The following BAZ1B variants were observed in gnomAD, a reference collection of about 807,000 sequenced individuals.
The protein encoded by BAZ1B is tyrosine-protein kinase BAZ1B.
A neutral mutation model predicts 153.8 loss-of-function variants in BAZ1B; 22 were observed. That is an observed-to-expected ratio of 0.14 (90% CI 0.10 to 0.20). The LOEUF is 0.20. BAZ1B is among the 10% of genes least tolerant of loss of function. The pLI is 1.00. For missense variants in BAZ1B, 1,325 were observed against 1,799.3 expected (o/e 0.74, Z 4.77); for synonymous variants, 676 against 633.4 (o/e 1.07, Z -1.01).
chr7:73,459,591 T>A lies in BAZ1B; in HGVS notation c.3377A>T (p.Asp1126Val). The change falls in exon 13 of 20, where the codon GAT becomes GTT. Residue 1126 changes from aspartate to valine, a missense_variant. Physicochemically the swap from Asp to Val is radical, Grantham distance 152. Transcript: ENST00000339594. ...KQKRRKLQSE[D>V]SAKTEEVDEE... The stretch of plus-strand genomic sequence containing the variant: ...ATCCACTTCCTCAGTTTTTGCTGAA[T>A]CTTCACTTTGGAGTTTTCTTCTCTT... 6.2e-7 allele frequency: 1 copy of A among 1,614,110 alleles called. No individual in the cohort carries two copies. The highest frequency in any genetic ancestry group is 8.5e-7 in the Non-Finnish European group (1 of 1,180,034).
intron 6 of BAZ1B, among the ~76,000 whole-genome samples, chr7:73,480,114 C>T (rs187032156): frequency 9.5e-4 from 144 of 151,012 alleles, no homozygotes; most frequent in Non-Finnish European, 1.8e-3. Context: ...GCCGAGATCA[C>T]GCCACTGCAC....
chr7:73,474,232 A>G (rs1788918455), intron 7 of BAZ1B, among the ~76,000 whole-genome samples: 1 of 152,166 alleles, frequency 6.6e-6, no homozygotes, highest in Non-Finnish European at 1.5e-5. Flanking sequence ...GGAGAGCCAC[A>G]TGCAAAAAAA....
At chr7:73,473,176 G>A (rs1392945242) in intron 7 of BAZ1B, among the ~76,000 whole-genome samples, 2 of 152,130 alleles carry the variant, frequency 1.3e-5, no homozygotes, top group African/African-American at 2.4e-5. Context: ...TCCTGACCTC[G>A]TGATCTGCCT....
At chr7:73,463,490 T>TC (rs1457656077) in intron 11 of BAZ1B, among the ~76,000 whole-genome samples, 9 of 151,922 alleles carry the variant, frequency 5.9e-5, no homozygotes, top group African/African-American at 1.7e-4. Context: ...AGCGATCCTC[T>TC]CCCCTAGGCC....
At chr7:73,517,935 A>C (rs898997458) in intron 1 of BAZ1B, among the ~76,000 whole-genome samples, 2 of 152,338 alleles carry the variant, frequency 1.3e-5, no homozygotes, top group South Asian at 2.1e-4. Flanking sequence ...TCAAACAAGC[A>C]TAACTGTAAC....
At position 73,440,851 on chromosome 7, in the gene BAZ1B, A is replaced by C. The variant is rs1298254932; in HGVS notation, c.*858T>G. 2.6e-5 allele frequency: 4 copies of C among 152,614 alleles called. No individual in the cohort carries two copies. The highest frequency in any genetic ancestry group is 5.9e-5 in the Non-Finnish European group (4 of 68,034). 9.5% of individuals were successfully genotyped at this position (152,614 alleles called of 1,614,324 possible). On this transcript the variant is annotated 3_prime_UTR_variant, in exon 20 of 20. Coordinates refer to ENST00000339594, the MANE Select transcript of BAZ1B (RefSeq NM_032408.4). ...GGGTGCTCAAAATTTCCAAATTCAA[A>C]GGTGATAAAAAAGAAAAACCCTGTT...
chr7:73,501,271 C>G (rs1352671658), intron 3 of BAZ1B, among the ~76,000 whole-genome samples: 1 of 151,990 alleles, frequency 6.6e-6, no homozygotes, highest in African/African-American at 2.4e-5. Flanking sequence ...CAAAACAAAA[C>G]AAAACAAAAA....
rs185923905 is a variant in BAZ1B at position 73,505,233 on chromosome 7, A to G, written c.369+3094T>C. 1.9e-3 allele frequency among the ~76,000 whole-genome samples: 295 copies of G among 152,294 alleles called. 2 individuals are homozygous for G. Among genetic ancestry groups the G allele is most frequent in the African/African-American group, 6.6e-3 (275 of 41,574 alleles). On this transcript the variant is annotated intron_variant, in intron 3 of 19. Transcript: ENST00000339594. ...AAGATTTTTCCAGATATGCTTCTGG[A>G]AAGATTTTCTTAGCCTGCTTTGATA...
intron 1 of BAZ1B, among the ~76,000 whole-genome samples, chr7:73,517,718 T>C (rs564195938): frequency 2.0e-5 from 3 of 152,268 alleles, no homozygotes; most frequent in African/African-American, 7.2e-5. Flanking sequence ...GCAGACAAAA[T>C]GTCAAAGCAA....
chr7:73,483,732 C>A (rs1165760479), intron 6 of BAZ1B, among the ~76,000 whole-genome samples: 1 of 152,052 alleles, frequency 6.6e-6, no homozygotes, highest in African/African-American at 2.4e-5. Context: ...ACCTTGACCT[C>A]CTGGGCTCAA....
chr7:73,461,295 AAAG>A lies in BAZ1B; in HGVS notation c.3250-1580_3250-1578del, dbSNP rs570687451. Among the ~76,000 whole-genome samples the A allele has an allele frequency of 7.9e-5, 12 of 152,284 alleles. No individual in the cohort carries two copies. The East Asian group carries it at 2.3e-3, about 29-fold the overall frequency. On this transcript the variant is annotated intron_variant, in intron 12 of 19. Coordinates refer to ENST00000339594, the MANE Select transcript of BAZ1B (RefSeq NM_032408.4). ...CCGCATGAACAAGACCTATCTCTTA[AAAG>A]ATCAATTAATTTAAAAATAAAAAGA...
chr7:73,477,645 G>C lies in BAZ1B; in HGVS notation c.1816C>G (p.Leu606Val). Residue 606 changes from leucine (L) to valine (V), a missense_variant, in exon 7 of 20, where the codon CTG becomes GTG. Transcript: ENST00000339594. The surrounding 1 kb of genome is among the most constrained non-coding windows in gnomAD (Gnocchi z 5.6). The part of the protein sequence containing the change: ...VDTPEGLPNT[L>V]FGDVAMVVEF... ...ACCACCATGGCCACATCCCCAAACA[G>C]CGTGTTGGGCAGCCCTTCAGGGGTA... 6.2e-7 allele frequency: 1 copy of C among 1,614,174 alleles called. No homozygotes were observed. The highest frequency in any genetic ancestry group is 2.2e-5 in the East Asian group (1 of 44,878).
At chr7:73,460,762 T>A (rs578031334) in intron 12 of BAZ1B, among the ~76,000 whole-genome samples, 20 of 152,278 alleles carry the variant, frequency 1.3e-4, no homozygotes, top group Admixed American at 7.8e-4. Flanking sequence ...AAGCTTCACA[T>A]CTACCTGATA....
chr7:73,478,141 CAA>C lies in BAZ1B; in HGVS notation c.1318_1319del (p.Leu440ValfsTer22). The C allele has an allele frequency of 6.2e-7, 1 of 1,614,216 alleles. No homozygotes were observed. Among genetic ancestry groups the C allele is most frequent in the Non-Finnish European group, 8.5e-7 (1 of 1,180,040 alleles). On this transcript the variant is annotated frameshift_variant, in exon 7 of 20. Coordinates refer to ENST00000339594, the MANE Select transcript of BAZ1B (RefSeq NM_032408.4). LOFTEE classifies it high-confidence loss of function. The part of the protein sequence containing the change: ...TPKTKMKQMT[L>X]LDMAKGTQKM... ...TCTGCGTGCCTTTGGCCATATCCAA[CAA>C]AGTCATCTGCTTCATTTTGGTTTTA...
intron 7 of BAZ1B, 64 bp from the exon 8 acceptor site, chr7:73,470,547 A>G: frequency 6.4e-7 from 1 of 1,572,190 alleles, no homozygotes; most frequent in Non-Finnish European, 8.6e-7. Flanking sequence ...TACAAATTAA[A>G]TAAAATATGG....
Position 73,492,813 on chromosome 7 carries a change from T to C in BAZ1B, c.680A>G (p.Gln227Arg). ...GTGTCAACTAACCTTATCTTCATTT[T>C]GTAGTTTCACATCATATTTGTGAGG... ...FLPHKYDVKLQNEDKIISNVP... is the reference protein window; with the variant it reads ...FLPHKYDVKLRNEDKIISNVP... The change falls in exon 5 of 20, where the codon CAA becomes CGA. Residue 227 changes from glutamine to arginine, a missense_variant. Transcript: ENST00000339594. 1 of 1,604,240 alleles carries C rather than the reference T, an allele frequency of 6.2e-7. No individual in the cohort carries two copies. The highest frequency in any genetic ancestry group is 2.2e-5 in the East Asian group (1 of 44,744).
intron 1 of BAZ1B, among the ~76,000 whole-genome samples, chr7:73,515,622 T>C (rs1790767986): frequency 6.6e-6 from 1 of 151,228 alleles, no homozygotes; most frequent in Non-Finnish European, 1.5e-5. Context: ...ACTGCAACCT[T>C]TGCCTCCTGG....
In BAZ1B at chr7:73,463,000, A is replaced by G; in HGVS notation, c.3171T>C (p.Ser1057=). 2 of 1,614,086 alleles carry G rather than the reference A, an allele frequency of 1.2e-6. No individual in the cohort carries two copies. The highest frequency in any genetic ancestry group is 1.7e-6 in the Non-Finnish European group (2 of 1,179,970). Residue 1057 remains serine, a synonymous_variant, in exon 12 of 20, where the codon AGT becomes AGC. Transcript: ENST00000339594. ...ACCTTGTTGCAACTTCAATGAGATC[A>G]CTACGAAGGAAGTTTAAAAGCTCCT... ...GNQELLNFLR[S]DLIEVATRLQ...
At chr7:73,501,198 G>T (rs993528628) in intron 3 of BAZ1B, among the ~76,000 whole-genome samples, 1 of 152,130 alleles carries the variant, frequency 6.6e-6, no homozygotes, top group African/African-American at 2.4e-5. Context: ...GGAGGTTGCG[G>T]TGAGCCAAGA....
Sources: gnomAD v4.1 joint callset for allele counts (sites outside exome capture counted in the v4.1 genomes callset) on GRCh38, gnomAD v4.1.1 for gene constraint, Gnocchi (gnomAD v3.1) non-coding constraint, MANE v1.5 for transcripts, NCBI Gene and HGNC (gene_info 2026-07-23, HGNC 2026-07-21) for gene names.